RTEL1: variants seen among roughly 807,000 people sequenced by gnomAD.
The protein encoded by RTEL1 is regulator of telomere elongation helicase 1, also known as regulator of telomere length.
Under a neutral mutation model 162.2 loss-of-function variants are expected in RTEL1, and 86 were observed. That is an observed-to-expected ratio of 0.53 (90% CI 0.45 to 0.63). The LOEUF is 0.63. Ranked by LOEUF, RTEL1 falls within the 30% of genes least tolerant of loss-of-function variation. The pLI is 0.00. For missense variants in RTEL1, 1,941 were observed against 1,750.2 expected (o/e 1.11, Z -1.95); for synonymous variants, 958 against 717.9 (o/e 1.33, Z -5.35).
chr20:63,688,430 C>T lies in RTEL1; in HGVS notation c.1722+44C>T. The stretch of plus-strand genomic sequence containing the variant: ...CTGGGCGGGGTGGGTGAGGGCAGGG[C>T]TGGAGCATGAAGCAGGCAGTGGTCA... On this transcript the variant is annotated intron_variant, in intron 20 of 34. Coordinates refer to ENST00000360203, the MANE Select transcript of RTEL1 (RefSeq NM_001283009.2). 3.7e-6 allele frequency: 6 copies of T among 1,606,400 alleles called. No individual in the cohort carries two copies. The South Asian group carries it at 6.6e-5, about 18-fold the overall frequency.
rs773115541 is a variant in RTEL1, at chr20:63,659,479, C to T, written c.77C>T (p.Thr26Ile). ...QPYKCQQEYM[T>I]KVLECLQQKV... ...TACAAATGCCAACAGGAGTACATGA[C>T]CAAGGTCCTGGAATGTCTGCAGCAG... is the stretch of plus-strand genomic sequence containing the variant. Residue 26 changes from threonine (T) to isoleucine (I), a missense_variant, in exon 2 of 35, where the codon ACC becomes ATC. Coordinates refer to ENST00000360203, the MANE Select transcript of RTEL1 (RefSeq NM_001283009.2). 3 of 1,613,964 alleles carry T rather than the reference C, an allele frequency of 1.9e-6. No homozygotes were observed. The highest frequency in any genetic ancestry group is 1.6e-4 in the Middle Eastern group (1 of 6,062).
intron 13 of RTEL1, 31 bp from the exon 14 acceptor site, chr20:63,680,633 G>T (rs780781505): frequency 1.2e-6 from 2 of 1,611,908 alleles, no homozygotes; most frequent in Admixed American, 1.7e-5. Flanking sequence ...CCTGCCTGCA[G>T]TGTGGGTGTC....
chr20:63,696,025 C>T lies in RTEL1; in HGVS notation c.*167C>T, dbSNP rs886089707. 1.7e-4 allele frequency: 109 copies of T among 659,434 alleles called. No individual in the cohort carries two copies. In the South Asian group the frequency reaches 1.9e-3, roughly 12 times the overall value. 40.8% of individuals were successfully genotyped at this position (659,434 alleles called of 1,614,324 possible). A position where few individuals can be genotyped will look rare whatever the true frequency, so the allele number is the denominator to read the frequency against. On this transcript the variant is annotated 3_prime_UTR_variant, in exon 35 of 35. Coordinates refer to ENST00000360203, the MANE Select transcript of RTEL1 (RefSeq NM_001283009.2). ...CCATGGTTGGTCCCTGCGGTGGGAC[C>T]GGATCTGGGCCTGCCTCTGAGAAGC...
chr20:63,693,564 ACCACCTCCACCT>A (rs1568720906), intron 30 of RTEL1, among the ~76,000 whole-genome samples: 3 of 69,266 alleles, frequency 4.3e-5, no homozygotes, highest in South Asian at 4.9e-4. Flanking sequence ...CTCCACCTCC[ACCACCTCCACCT>A]CCACCACCAC....
chr20:63,690,438 T>C lies in RTEL1; in HGVS notation c.2410T>C (p.Ser804Pro), dbSNP rs2145432315. 6.5e-7 allele frequency: 1 copy of C among 1,532,564 alleles called. No individual in the cohort carries two copies. The allele number at this position is 1,532,564 out of a possible 1,614,324, so 94.9% of individuals were successfully genotyped here. A position where few individuals can be genotyped will look rare whatever the true frequency, so the allele number is the denominator to read the frequency against. The change falls in exon 26 of 35, where the codon TCA (serine) becomes CCA (proline). Residue 804 changes from serine to proline, a missense_variant. Transcript: ENST00000360203. ...LHVPSLKQRS[S>P]GSPAAGDPES... ...TGTCCCCAGCCTGAAGCAGAGGTCC[T>C]CAGGTGCGGACGGGCAGCGCTGGGT...
rs772914279 is a variant in RTEL1 at position 63,694,768 on chromosome 20, G to A, written c.3137G>A (p.Gly1046Glu). Reference protein sequence around the residue: ...TGDPGSQPQWGSGVPRAGKQG... With the variant: ...TGDPGSQPQWESGVPRAGKQG... ...GACCCTGGCAGCCAACCACAGTGGG[G>A]GTCTGGAGTGCCCAGAGCAGGGAAG... Residue 1046 changes from glycine to glutamate, a missense_variant, in exon 32 of 35, where the codon GGG becomes GAG. Transcript: ENST00000360203. 1.1e-5 allele frequency: 18 copies of A among 1,610,266 alleles called. No individual in the cohort carries two copies. In the African/African-American group the frequency reaches 1.7e-4, roughly 16 times the overall value.
At chr20:63,691,658 A>G (rs915817692) in intron 27 of RTEL1, 84 bp from the exon 28 acceptor site, 58 of 1,255,562 alleles carry the variant, frequency 4.6e-5, no homozygotes, top group African/African-American at 4.5e-4. Flanking sequence ...CCTTGGGACC[A>G]TCTTCCCTGT....
At chr20:63,675,324 A>G (rs2090327771) in intron 10 of RTEL1, among the ~76,000 whole-genome samples, 1 of 152,206 alleles carries the variant, frequency 6.6e-6, no homozygotes, top group Non-Finnish European at 1.5e-5. Context: ...AAACAGCATC[A>G]GCTTCCCCCA....
chr20:63,663,927 C>T (rs1373457203), intron 6 of RTEL1, among the ~76,000 whole-genome samples: 1 of 152,150 alleles, frequency 6.6e-6, no homozygotes, highest in Non-Finnish European at 1.5e-5. Context: ...GTTTCTGGGC[C>T]CTGGCCCTTG....
chr20:63,678,243 T>G (rs1035186789), intron 11 of RTEL1, 25 bp from the exon 12 acceptor site: 2 of 1,612,336 alleles, frequency 1.2e-6, no homozygotes, highest in Non-Finnish European at 1.7e-6. Flanking sequence ...TGCGAGGAGG[T>G]GGGTGACACC....
rs762206556 is a variant in RTEL1 at position 63,693,251 on chromosome 20, G to A, written c.2960G>A (p.Arg987Lys). 3 of 1,611,966 alleles carry A rather than the reference G, an allele frequency of 1.9e-6. No homozygotes were observed. The highest frequency in any genetic ancestry group is 2.2e-5 in the South Asian group (2 of 91,088). The part of the protein sequence containing the change: ...GYRPEHSIPR[R>K]QRAQPVLDPT... ...CGGCCTGAGCACAGCATTCCCCGAA[G>A]GCAGCGGGCACAGCCGGTCCTGGAC... The change falls in exon 30 of 35, where the codon AGG (arginine) becomes AAG (lysine). Residue 987 changes from arginine to lysine, a missense_variant. Transcript: ENST00000360203.
intron 21 of RTEL1, 118 bp from the exon 22 acceptor site, chr20:63,688,937 T>C (rs2090658787): frequency 1.1e-6 from 1 of 898,130 alleles, no homozygotes; most frequent in Non-Finnish European, 1.8e-6. Context: ...CAGAACCCGA[T>C]TGGCCTTCCT....
At chr20:63,660,295 C>T (rs77694224) in intron 2 of RTEL1, among the ~76,000 whole-genome samples, 2 of 152,212 alleles carry the variant, frequency 1.3e-5, no homozygotes, top group Non-Finnish European at 2.9e-5. Context: ...CAGGTCTTTC[C>T]CATCCCACGA....
At chr20:63,665,730 CG>C (rs936897410) in intron 6 of RTEL1, among the ~76,000 whole-genome samples, 37 of 152,250 alleles carry the variant, frequency 2.4e-4, no homozygotes, top group Non-Finnish European at 4.4e-4. Context: ...GGAGAGGATG[CG>C]TAGAACCCTC....
intron 26 of RTEL1, 152 bp from the exon 27 acceptor site, chr20:63,690,653 C>A: frequency 9.6e-7 from 1 of 1,039,022 alleles, no homozygotes; most frequent in Non-Finnish European, 1.4e-6. Flanking sequence ...AAGGATGCCC[C>A]CCGAGGCTGA....
intron 10 of RTEL1, among the ~76,000 whole-genome samples, chr20:63,676,807 T>TGC (rs1569093490): frequency 2.6e-5 from 4 of 151,630 alleles, no homozygotes; most frequent in African/African-American, 9.7e-5. Flanking sequence ...TGGTGGTGCA[T>TGC]GCTTGTAATC....
chr20:63,676,730 T>C (rs940098363), intron 10 of RTEL1, among the ~76,000 whole-genome samples: 11 of 152,062 alleles, frequency 7.2e-5, no homozygotes, highest in Admixed American at 4.6e-4. Flanking sequence ...GGTCAGAGAT[T>C]GAGACCATCC....
intron 9 of RTEL1, 101 bp downstream of exon 9, chr20:63,672,722 G>A (rs756987555): frequency 2.8e-5 from 27 of 957,990 alleles, no homozygotes; most frequent in Non-Finnish European, 3.9e-5. Flanking sequence ...AACTCCTGAA[G>A]CCCTAGGTGC....
chr20:63,676,915 C>G (rs1469993138), intron 10 of RTEL1, among the ~76,000 whole-genome samples: 6 of 140,332 alleles, frequency 4.3e-5, no homozygotes, highest in African/African-American at 1.6e-4. Flanking sequence ...AGCCTGGCGA[C>G]AGAGCGAGAC....
Sources: gnomAD v4.1 joint callset for allele counts (sites outside exome capture counted in the v4.1 genomes callset) on GRCh38, gnomAD v4.1.1 for gene constraint, MANE v1.5 for transcripts, NCBI Gene and HGNC (gene_info 2026-07-23, HGNC 2026-07-21) for gene names.